IFT52: variants seen among roughly 807,000 people sequenced by gnomAD.
IFT52 encodes intraflagellar transport 52, also known as intraflagellar transport protein 52 homolog.
A neutral mutation model predicts 54.4 loss-of-function variants in IFT52; 44 were observed. That is an observed-to-expected ratio of 0.81 (90% CI 0.63 to 1.04). The LOEUF (loss-of-function observed/expected upper bound fraction) is 1.04, where lower values mean the gene tolerates loss of function less well. IFT52 is among the 50% of genes least tolerant of loss of function. The pLI is 0.00. For synonymous variants in IFT52, 181 were observed against 185.3 expected, an observed-to-expected ratio of 0.98 and a Z score of 0.19; for missense variants, 452 against 523.6, an observed-to-expected ratio of 0.86 and a Z score of 1.33.
intron 6 of IFT52, 35 bp downstream of exon 6, chr20:43,605,108 G>A: frequency 6.2e-7 from 1 of 1,607,038 alleles, no homozygotes. Flanking sequence ...TGAGGAAGAT[G>A]TATCATTTTG....
Position 43,624,046 on chromosome 20 carries a change from GTC to G in IFT52, c.923+2_923+3del. 2 of 1,613,970 alleles carry G rather than the reference GTC, an allele frequency of 1.2e-6. No individual in the cohort carries two copies. Among genetic ancestry groups the G allele is most frequent in the Non-Finnish European group, 8.5e-7 (1 of 1,179,940 alleles). ...CCACCTCCTTCCACAGCGTCATCGA[GTC>G]AGTACCTGTGGGCCTCTGAGCCACA... On this transcript the variant is annotated splice_donor_variant and splice_donor_region_variant and intron_variant, in intron 10 of 13. Transcript: ENST00000373030. LOFTEE classifies it high-confidence loss of function.
chr20:43,630,174 T>C (rs1331088656), intron 10 of IFT52, among the ~76,000 whole-genome samples: 1 of 152,192 alleles, frequency 6.6e-6, no homozygotes, highest in Admixed American at 6.5e-5. Flanking sequence ...TGGTGTTCTC[T>C]TCCTCCTCTG....
rs888027620 is a variant in IFT52, at chr20:43,594,684, T to C, written c.-6-9T>C. On this transcript the variant is annotated splice_polypyrimidine_tract_variant and intron_variant, in intron 1 of 13. Coordinates refer to ENST00000373030, the MANE Select transcript of IFT52 (RefSeq NM_016004.5). ...TATTGATTTTCTGATCCCATCTTTC[T>C]TCCATAAGGTAACCATGGAGAAAGA... 2.1e-6 allele frequency: 3 copies of C among 1,413,536 alleles called. No homozygotes were observed. The African/African-American group carries it at 4.2e-5, about 20-fold the overall frequency. The allele number at this position is 1,413,536 out of a possible 1,614,324, so 87.6% of individuals were successfully genotyped here. A position where few individuals can be genotyped will look rare whatever the true frequency, so the allele number is the denominator to read the frequency against.
Position 43,609,972 on chromosome 20 carries a change from T to A in IFT52, c.486-3878T>A, listed in dbSNP as rs186625626. 5.9e-4 allele frequency among the ~76,000 whole-genome samples: 88 copies of A among 148,752 alleles called. 1 individual carries two copies. Among genetic ancestry groups the A allele is most frequent in the African/African-American group, 2.0e-3 (79 of 40,468 alleles). ...TTGAAAAAATAAAATAAAATTAAATTAAATTAAATTAAATTTTAAAAGAAA... is the reference window on the plus strand; with the variant it reads ...TTGAAAAAATAAAATAAAATTAAATAAAATTAAATTAAATTTTAAAAGAAA... On this transcript the variant is annotated intron_variant, in intron 6 of 13. Coordinates refer to ENST00000373030, the MANE Select transcript of IFT52 (RefSeq NM_016004.5).
chr20:43,620,041 T>C (rs1439515558), intron 8 of IFT52, among the ~76,000 whole-genome samples: 4 of 146,696 alleles, frequency 2.7e-5, no homozygotes, highest in Non-Finnish European at 4.5e-5. Flanking sequence ...CTCAGCCTCC[T>C]GAGTAGCTGG....
At chr20:43,627,563 G>C (rs890872469) in intron 10 of IFT52, among the ~76,000 whole-genome samples, 1 of 152,184 alleles carries the variant, frequency 6.6e-6, no homozygotes, top group Non-Finnish European at 1.5e-5. Flanking sequence ...GAGGAAGTAA[G>C]GTCAAGAAGG....
chr20:43,603,959 G>A, intron 4 of IFT52, 70 bp downstream of exon 4: 1 of 1,161,536 alleles, frequency 8.6e-7, no homozygotes, highest in Non-Finnish European at 1.3e-6. Flanking sequence ...TAGCCCTCTA[G>A]GTCCAGTGGC....
chr20:43,637,123 TA>T (rs762253092), intron 11 of IFT52, 21 bp from the exon 12 acceptor site: 2 of 1,501,020 alleles, frequency 1.3e-6, no homozygotes, highest in African/African-American at 1.4e-5. Context: ...CATTTCTAAA[TA>T]ATGACTTTAT....
intron 9 of IFT52, among the ~76,000 whole-genome samples, chr20:43,622,745 ATGTAAATATAAATATATACAAATTGTG>A (rs200760099): frequency 0.041 from 5,209 of 126,342 alleles, 948 homozygotes; most frequent in South Asian, 0.076. Context: ...ACATATTTTT[ATGTAAATATAAATATATACAAATTGTG>A]TGTAAATATA....
Position 43,620,919 on chromosome 20 carries a change from C to T in IFT52, c.762C>T (p.Asp254=), listed in dbSNP as rs1327314413. ...DIHLNQIDAE[D]PEISDYMMLP... Reference sequence around the variant, plus strand: ...ACCTAAACCAGATTGATGCTGAGGACCCAGAGGTAGACACCGAATTATTAG... The same window carrying T: ...ACCTAAACCAGATTGATGCTGAGGATCCAGAGGTAGACACCGAATTATTAG... Residue 254 remains aspartate (D), a synonymous_variant, in exon 9 of 14, where the codon GAC becomes GAT. Transcript: ENST00000373030. 6.2e-7 allele frequency: 1 copy of T among 1,610,096 alleles called. No individual in the cohort carries two copies. The highest frequency in any genetic ancestry group is 1.1e-5 in the South Asian group (1 of 90,450).
intron 3 of IFT52, among the ~76,000 whole-genome samples, chr20:43,601,042 C>T (rs991930547): frequency 6.6e-6 from 1 of 152,082 alleles, no homozygotes; most frequent in Non-Finnish European, 1.5e-5. Context: ...TTTAAACCTC[C>T]GTGACTATCT....
chr20:43,631,173 G>A (rs780639840), intron 10 of IFT52, among the ~76,000 whole-genome samples: 11 of 152,126 alleles, frequency 7.2e-5, no homozygotes, highest in Non-Finnish European at 1.3e-4. Context: ...TATGATTTGG[G>A]GAAGCTACTG....
chr20:43,591,970 G>A (rs1390730617), intron 1 of IFT52, among the ~76,000 whole-genome samples: 1 of 152,214 alleles, frequency 6.6e-6, no homozygotes, highest in Non-Finnish European at 1.5e-5. Context: ...TTTATATATA[G>A]GGATTTATTA....
At chr20:43,627,722 G>GT (rs748778868) in intron 10 of IFT52, among the ~76,000 whole-genome samples, 1 of 152,044 alleles carries the variant, frequency 6.6e-6, no homozygotes, top group African/African-American at 2.4e-5. Context: ...AGGGGGTTTG[G>GT]TAAGTTGTCT....
intron 9 of IFT52, among the ~76,000 whole-genome samples, chr20:43,621,710 G>T (rs1984314183): frequency 6.6e-6 from 1 of 152,166 alleles, no homozygotes; most frequent in African/African-American, 2.4e-5. Context: ...TGATCCACCT[G>T]TCTCAGCTTC....
chr20:43,639,925 C>T (rs747578119), intron 12 of IFT52, among the ~76,000 whole-genome samples: 1 of 152,096 alleles, frequency 6.6e-6, no homozygotes, highest in African/African-American at 2.4e-5. Context: ...CCTATAATCC[C>T]AGCACTTTAG....
chr20:43,607,695 C>G (rs188371587), intron 6 of IFT52, among the ~76,000 whole-genome samples: 1,656 of 148,256 alleles, frequency 0.011, 24 homozygotes, highest in African/African-American at 0.031. Context: ...TCCTCACATC[C>G]CAGATGATGG....
At chr20:43,608,122 CAGAGGGAGACCGTGGAAAGAGAGGG>C (rs1185048621) in intron 6 of IFT52, among the ~76,000 whole-genome samples, 9 of 152,090 alleles carry the variant, frequency 5.9e-5, no homozygotes, top group African/African-American at 7.2e-5. Context: ...GGCTCGGCAT[CAGAGGGAGACCGTGGAAAGAGAGGG>C]AGAGGGAGAC....
At chr20:43,643,116 G>A (rs1012194579) in intron 13 of IFT52, among the ~76,000 whole-genome samples, 7 of 150,530 alleles carry the variant, frequency 4.7e-5, no homozygotes, top group Non-Finnish European at 1.0e-4. Context: ...GTGGTGAGCT[G>A]AGATCGTGCC....
Sources: gnomAD v4.1 joint callset for allele counts (sites outside exome capture counted in the v4.1 genomes callset) on GRCh38, gnomAD v4.1.1 for gene constraint, MANE v1.5 for transcripts, NCBI Gene and HGNC (gene_info 2026-07-23, HGNC 2026-07-21) for gene names.